CFAP61: variants seen among roughly 807,000 people sequenced by gnomAD.
The protein encoded by CFAP61 is cilia- and flagella-associated protein 61.
CFAP61 carries 107 observed loss-of-function variants against 135.6 expected under a neutral mutation model. The observed-to-expected ratio is 0.79, with a 90% confidence interval of 0.67 to 0.93. The LOEUF is 0.93. CFAP61 is among the 40% of genes least tolerant of loss of function. The pLI is 0.00. For missense variants in CFAP61, 1,507 were observed against 1,556.2 expected, an observed-to-expected ratio of 0.97 and a Z score of 0.53; for synonymous variants, 575 against 578.5, an observed-to-expected ratio of 0.99 and a Z score of 0.09.
chr20:20,060,878 C>G (rs1191983622), intron 2 of CFAP61, among the ~76,000 whole-genome samples: 1 of 152,222 alleles, frequency 6.6e-6, no homozygotes, highest in Admixed American at 6.5e-5. Flanking sequence ...CTGCTGAGCT[C>G]CCCGCTAGCA....
chr20:20,166,548 A>G, intron 12 of CFAP61, 112 bp downstream of exon 12: 2 of 800,544 alleles, frequency 2.5e-6, no homozygotes, highest in Non-Finnish European at 2.1e-6. Context: ...TGTTCGGAGA[A>G]TAAGGTCAAA....
intron 6 of CFAP61, among the ~76,000 whole-genome samples, chr20:20,080,349 G>A (rs1359790319): frequency 1.3e-5 from 2 of 151,846 alleles, no homozygotes; most frequent in African/African-American, 4.8e-5. Flanking sequence ...CTTTTCTGAT[G>A]GTGCCTGGTC....
chr20:20,223,900 G>T (rs765657579), intron 17 of CFAP61, among the ~76,000 whole-genome samples: 1 of 152,064 alleles, frequency 6.6e-6, no homozygotes, highest in Non-Finnish European at 1.5e-5. Context: ...ATTACATCCA[G>T]ATTATTCATT....
intron 9 of CFAP61, among the ~76,000 whole-genome samples, chr20:20,152,924 T>C (rs908632256): frequency 4.6e-5 from 7 of 152,178 alleles, no homozygotes; most frequent in Admixed American, 3.9e-4. Context: ...ATATACATTC[T>C]TTTCATCAGC....
intron 16 of CFAP61, 122 bp from the exon 17 acceptor site, chr20:20,199,644 ATT>A (rs11474984): frequency 3.8e-4 from 337 of 881,772 alleles, no homozygotes; most frequent in South Asian, 6.7e-4. Context: ...TTATTTGCTG[ATT>A]TTTTTTTTTC....
intron 8 of CFAP61, among the ~76,000 whole-genome samples, chr20:20,140,848 T>C (rs33999061): frequency 0.19 from 28,629 of 151,714 alleles, 2,994 homozygotes; most frequent in Non-Finnish European, 0.24. Context: ...ATTAAGAAAA[T>C]GTGGCACATA....
intron 7 of CFAP61, among the ~76,000 whole-genome samples, chr20:20,094,045 T>C (rs1038345491): frequency 1.3e-5 from 2 of 152,208 alleles, no homozygotes; most frequent in African/African-American, 2.4e-5. Flanking sequence ...AACACTCATC[T>C]ACATGAGGGT....
intron 18 of CFAP61, among the ~76,000 whole-genome samples, chr20:20,243,410 T>C (rs1381669102): frequency 6.6e-6 from 1 of 151,884 alleles, no homozygotes; most frequent in Non-Finnish European, 1.5e-5. Flanking sequence ...AAACCCATCA[T>C]GCCTTCTCAA....
chr20:20,200,033 C>T, intron 17 of CFAP61, 131 bp downstream of exon 17: 1 of 1,087,886 alleles, frequency 9.2e-7, no homozygotes, highest in Non-Finnish European at 1.3e-6. Context: ...CATACCCTTA[C>T]AGGCGGAGCC....
intron 26 of CFAP61, among the ~76,000 whole-genome samples, chr20:20,347,025 C>T (rs2058660145): frequency 6.6e-6 from 1 of 152,158 alleles, no homozygotes. Context: ...AGTGTCAATA[C>T]ATTTTAACAG....
rs541044769 is a variant in CFAP61, at chr20:20,253,784, G to A, written c.2328+2021G>A. ...TTCACAGGTGTTCTTCAATGAACAC[G>A]AAGATTTGAACCTCTCGATTTGCCT... On this transcript the variant is annotated intron_variant, in intron 20 of 26. Coordinates refer to ENST00000245957, the MANE Select transcript of CFAP61 (RefSeq NM_015585.4). The A allele has an allele frequency of 1.5e-4, 34 of 227,842 alleles. No individual in the cohort carries two copies. The South Asian group carries it at 1.6e-3, about 11-fold the overall frequency. 14.1% of individuals were successfully genotyped at this position (227,842 alleles called of 1,614,324 possible).
chr20:20,234,324 C>A (rs1442544712), intron 18 of CFAP61, among the ~76,000 whole-genome samples: 1 of 152,120 alleles, frequency 6.6e-6, no homozygotes, highest in Admixed American at 6.5e-5. Flanking sequence ...GTGAGTAGGC[C>A]CCAGCACTAT....
intron 21 of CFAP61, among the ~76,000 whole-genome samples, chr20:20,273,767 C>T (rs950454096): frequency 5.9e-5 from 9 of 152,136 alleles, no homozygotes; most frequent in Non-Finnish European, 1.2e-4. Context: ...AGCCTGGCTG[C>T]GTAGGCCATG....
At position 20,052,546 on chromosome 20, in the gene CFAP61, C is replaced by G. The variant is rs766122480; in HGVS notation, c.-82C>G. The G allele has an allele frequency of 2.5e-6, 4 of 1,614,180 alleles. No homozygotes were observed. The Admixed American group carries it at 6.7e-5, about 27-fold the overall frequency. Reference sequence around the variant, plus strand: ...CCATGGTGACCAGGCTGCGCGTCCTCCTTGCGGCAGCGCGTGGAGTGCGGC... The same window carrying G: ...CCATGGTGACCAGGCTGCGCGTCCTGCTTGCGGCAGCGCGTGGAGTGCGGC... On this transcript the variant is annotated 5_prime_UTR_variant, in exon 1 of 27. Coordinates refer to ENST00000245957, the MANE Select transcript of CFAP61 (RefSeq NM_015585.4).
At chr20:20,057,753 A>C (rs554227125) in intron 2 of CFAP61, among the ~76,000 whole-genome samples, 2 of 152,214 alleles carry the variant, frequency 1.3e-5, no homozygotes, top group African/African-American at 4.8e-5. Context: ...GGTTTGCTCT[A>C]TTGCCCAGAT....
chr20:20,130,584 T>G (rs1261875607), intron 8 of CFAP61, among the ~76,000 whole-genome samples: 3 of 151,772 alleles, frequency 2.0e-5, no homozygotes, highest in African/African-American at 7.3e-5. Flanking sequence ...CTGACTTTCT[T>G]TTTTTTCCCC....
At chr20:20,220,736 A>G (rs2048344507) in intron 17 of CFAP61, among the ~76,000 whole-genome samples, 1 of 152,200 alleles carries the variant, frequency 6.6e-6, no homozygotes, top group Non-Finnish European at 1.5e-5. Context: ...CATGGAAGAC[A>G]ATTTTTGTTC....
chr20:20,151,567 C>T (rs2052410245), intron 9 of CFAP61, among the ~76,000 whole-genome samples: 2 of 152,118 alleles, frequency 1.3e-5, no homozygotes, highest in African/African-American at 4.8e-5. Context: ...TGGCTCATAC[C>T]TGTAATCCCA....
At chr20:20,348,059 C>T (rs1031166561) in intron 26 of CFAP61, among the ~76,000 whole-genome samples, 1 of 151,872 alleles carries the variant, frequency 6.6e-6, no homozygotes, top group African/African-American at 2.4e-5. Flanking sequence ...AAGAAAAGCC[C>T]AAGACCGGAT....
Sources: gnomAD v4.1 joint callset for allele counts (sites outside exome capture counted in the v4.1 genomes callset) on GRCh38, gnomAD v4.1.1 for gene constraint, MANE v1.5 for transcripts, NCBI Gene and HGNC (gene_info 2026-07-23, HGNC 2026-07-21) for gene names.